ATCAY: variants seen among roughly 807,000 people sequenced by gnomAD.
ATCAY encodes caytaxin.
Under a neutral mutation model 47.7 loss-of-function variants are expected in ATCAY, and 22 were observed. That is an observed-to-expected ratio of 0.46 (90% CI 0.33 to 0.66). The LOEUF (loss-of-function observed/expected upper bound fraction) is 0.66, where lower values mean the gene tolerates loss of function less well. ATCAY is among the 30% of genes least tolerant of loss of function. The pLI is 0.02. For missense variants in ATCAY, 452 were observed against 515.0 expected, an observed-to-expected ratio of 0.88 and a Z score of 1.18; for synonymous variants, 216 against 207.6, an observed-to-expected ratio of 1.04 and a Z score of -0.35.
At chr19:3,881,972 C>A (rs1048530559) in intron 1 of ATCAY, among the ~76,000 whole-genome samples, 1 of 144,518 alleles carries the variant, frequency 6.9e-6, no homozygotes, top group Non-Finnish European at 1.5e-5. Flanking sequence ...GACAGAGAAT[C>A]GAGTGAGAAA....
chr19:3,911,515 C>T (rs960824070), intron 8 of ATCAY, among the ~76,000 whole-genome samples: 2 of 151,834 alleles, frequency 1.3e-5, no homozygotes, highest in Non-Finnish European at 2.9e-5. Context: ...CAGAGCAAAA[C>T]AACCCTGTCT....
chr19:3,887,233 G>A lies in ATCAY; in HGVS notation c.77+1389G>A, dbSNP rs2038665714. ...GCACTTACAGAGGCTCAGGCTGGGGGGATTGATAGAGCTCAAGAGTTCGAA... is the reference window on the plus strand; with the variant it reads ...GCACTTACAGAGGCTCAGGCTGGGGAGATTGATAGAGCTCAAGAGTTCGAA... On this transcript the variant is annotated intron_variant, in intron 2 of 12. Transcript: ENST00000450849. 3.3e-5 allele frequency among the ~76,000 whole-genome samples: 5 copies of A among 152,064 alleles called. No individual in the cohort carries two copies. The South Asian group carries it at 1.0e-3, about 32-fold the overall frequency.
chr19:3,897,328 C>T (rs915850506), intron 2 of ATCAY, among the ~76,000 whole-genome samples: 9 of 147,692 alleles, frequency 6.1e-5, no homozygotes, highest in Non-Finnish European at 1.2e-4. Flanking sequence ...TCTATATCGC[C>T]TCGCTCTGTC....
chr19:3,908,277 G>T lies in ATCAY; in HGVS notation c.554G>T (p.Gly185Val). The T allele has an allele frequency of 6.3e-7, 1 of 1,576,386 alleles. No homozygotes were observed. The highest frequency in any genetic ancestry group is 1.2e-5 in the South Asian group (1 of 85,972). Residue 185 changes from glycine to valine, a missense_variant, in exon 6 of 13, where the codon GGC becomes GTC. Coordinates refer to ENST00000450849, the MANE Select transcript of ATCAY (RefSeq NM_033064.5). ...MKVVTHGGYY[G>V]EGLNAIIVFA... ...GGCTGCCTCTCCTCAGGGTACTACG[G>T]CGAAGGCCTCAACGCCATCATCGTC...
chr19:3,903,558 G>A (rs2038832921), intron 3 of ATCAY, among the ~76,000 whole-genome samples: 1 of 151,010 alleles, frequency 6.6e-6, no homozygotes, highest in African/African-American at 2.4e-5. Flanking sequence ...GAGCCTCACT[G>A]TATCGCCCAG....
chr19:3,915,815 A>G (rs1284056903), intron 9 of ATCAY, among the ~76,000 whole-genome samples: 4 of 145,678 alleles, frequency 2.7e-5, no homozygotes, highest in Non-Finnish European at 4.5e-5. Context: ...TCAGCCTCCC[A>G]AAGTGCTGGG....
At chr19:3,915,404 C>T (rs1181928881) in intron 9 of ATCAY, among the ~76,000 whole-genome samples, 2 of 150,690 alleles carry the variant, frequency 1.3e-5, no homozygotes, top group African/African-American at 4.9e-5. Flanking sequence ...AAGCTGGTCT[C>T]AAACCCCTGA....
In ATCAY at chr19:3,912,356, C is replaced by T. The variant is rs1481704613; in HGVS notation, c.867-1402C>T. On this transcript the variant is annotated intron_variant, in intron 8 of 12. Coordinates refer to ENST00000450849, the MANE Select transcript of ATCAY (RefSeq NM_033064.5). ...TCAGACGGAGTCTCACTCTGTCGCC[C>T]AGGCTGGAGTGCAGTGGCGCGATCT... 2.6e-5 allele frequency among the ~76,000 whole-genome samples: 4 copies of T among 151,764 alleles called. No individual in the cohort carries two copies. In the East Asian group the frequency reaches 7.8e-4, roughly 30 times the overall value.
chr19:3,889,275 T>C (rs2145224147), intron 2 of ATCAY, among the ~76,000 whole-genome samples: 1 of 152,218 alleles, frequency 6.6e-6, no homozygotes. Flanking sequence ...TAGCCGGGCG[T>C]GGTGGCCCAT....
intron 9 of ATCAY, among the ~76,000 whole-genome samples, chr19:3,914,320 T>C (rs1055575408): frequency 6.8e-6 from 1 of 147,134 alleles, no homozygotes; most frequent in Non-Finnish European, 1.5e-5. Context: ...AAAAGGCACG[T>C]CTCCCATGGC....
chr19:3,890,003 G>T (rs1249733939), intron 2 of ATCAY, among the ~76,000 whole-genome samples: 1 of 149,202 alleles, frequency 6.7e-6, no homozygotes, highest in Non-Finnish European at 1.5e-5. Flanking sequence ...GGGGTGCAGT[G>T]GCGCCATCTC....
At chr19:3,887,910 C>G (rs1470319273) in intron 2 of ATCAY, among the ~76,000 whole-genome samples, 1 of 151,014 alleles carries the variant, frequency 6.6e-6, no homozygotes, top group East Asian at 2.0e-4. Flanking sequence ...AATTTGAGAC[C>G]AGCCTGGCCG....
chr19:3,911,964 T>C (rs2038925788), intron 8 of ATCAY, among the ~76,000 whole-genome samples: 1 of 152,174 alleles, frequency 6.6e-6, no homozygotes, highest in Admixed American at 6.6e-5. Context: ...ATACACTAAT[T>C]ATGGATCATT....
At chr19:3,923,663 G>A (rs1313566623) in intron 12 of ATCAY, among the ~76,000 whole-genome samples, 1 of 151,670 alleles carries the variant, frequency 6.6e-6, no homozygotes, top group African/African-American at 2.4e-5. Context: ...AGAGATGGAT[G>A]GGTAGGCATA....
chr19:3,922,898 C>T (rs546715274), intron 12 of ATCAY, among the ~76,000 whole-genome samples: 1 of 152,144 alleles, frequency 6.6e-6, no homozygotes, highest in African/African-American at 2.4e-5. Flanking sequence ...GCGTCTGCCA[C>T]CACACCCAGC....
Position 3,920,794 on chromosome 19 carries a change from A to G in ATCAY, c.1102A>G (p.Thr368Ala), listed in dbSNP as rs776942727. 27 of 1,613,684 alleles carry G rather than the reference A, an allele frequency of 1.7e-5. No individual in the cohort carries two copies. The Admixed American group carries it at 4.3e-4, about 26-fold the overall frequency. ...RSALVSEDQE[T>A]SMS ...TGCTCTGGTCTCAGAAGATCAGGAA[A>G]CAAGGTGGGTGTGATGCAGAGTGGT... Residue 368 changes from threonine (T) to alanine (A), a missense_variant, in exon 12 of 13, where the codon ACA becomes GCA. Coordinates refer to ENST00000450849, the MANE Select transcript of ATCAY (RefSeq NM_033064.5).
At chr19:3,920,982 G>T in intron 12 of ATCAY, 184 bp downstream of exon 12, 1 of 709,834 alleles carries the variant, frequency 1.4e-6, no homozygotes, top group East Asian at 2.9e-5. Flanking sequence ...ACGGCACCGG[G>T]AAGGCAGGGA....
chr19:3,920,756 T>C lies in ATCAY; in HGVS notation c.1074-10T>C. 2 of 1,609,036 alleles carry C rather than the reference T, an allele frequency of 1.2e-6. No homozygotes were observed. The highest frequency in any genetic ancestry group is 1.7e-6 in the Non-Finnish European group (2 of 1,176,774). On this transcript the variant is annotated splice_polypyrimidine_tract_variant and intron_variant, in intron 11 of 12. Transcript: ENST00000450849. ...GCAAATAACGCCCAGTCTCCGTCTC[T>C]CCTCCACAGGTCTGCTCTGGTCTCA...
At chr19:3,903,497 A>T (rs2145240906) in intron 3 of ATCAY, among the ~76,000 whole-genome samples, 1 of 152,096 alleles carries the variant, frequency 6.6e-6, no homozygotes, top group East Asian at 2.0e-4. Context: ...TCAGTTAAGC[A>T]GAATATGGAA....
Sources: allele counts gnomAD v4.1 joint callset (sites outside exome capture counted in the v4.1 genomes callset), GRCh38; gene constraint gnomAD v4.1.1; transcripts MANE v1.5; gene names NCBI Gene and HGNC (gene_info 2026-07-23, HGNC 2026-07-21).